MCC: variants seen among roughly 807,000 people sequenced by gnomAD.
MCC encodes MCC regulator of Wnt signaling pathway.
In MCC, 90 loss-of-function variants were observed where a neutral mutation model predicts 116.2. That is an observed-to-expected ratio of 0.77 (90% CI 0.65 to 0.92). The LOEUF is 0.92. Ranked by LOEUF, MCC falls within the 40% of genes least tolerant of loss-of-function variation. MCC has a pLI of 0.00. For synonymous variants in MCC, 578 were observed against 510.5 expected, an observed-to-expected ratio of 1.13 and a Z score of -1.78; for missense variants, 1,516 against 1,312.2, an observed-to-expected ratio of 1.16 and a Z score of -2.40.
intron 17 of MCC, among the ~76,000 whole-genome samples, chr5:113,037,310 T>G (rs776449381): frequency 1.3e-5 from 2 of 152,206 alleles, no homozygotes; most frequent in Non-Finnish European, 2.9e-5. Flanking sequence ...GTGTATGAAC[T>G]TGGACATGGA....
rs765710097 is a variant in MCC at position 113,143,382 on chromosome 5, A to T, written c.742-22T>A. On this transcript the variant is annotated intron_variant, in intron 4 of 18. Transcript: ENST00000408903. ...CGCACTGGGAATAAGGGAAAAGGAC[A>T]GAAGTGCTGATGAATTCATGCACCT... 4.3e-6 allele frequency: 7 copies of T among 1,613,042 alleles called. No individual in the cohort carries two copies. In the East Asian group the frequency reaches 1.6e-4, roughly 36 times the overall value.
rs557670293 is a variant in MCC at position 113,383,669 on chromosome 5, A to G, written c.415+1299T>C. 4.6e-5 allele frequency among the ~76,000 whole-genome samples: 7 copies of G among 152,142 alleles called. No homozygotes were observed. The South Asian group carries it at 1.2e-3, about 27-fold the overall frequency. On this transcript the variant is annotated intron_variant, in intron 2 of 18. Coordinates refer to ENST00000408903, the MANE Select transcript of MCC (RefSeq NM_001085377.2). The stretch of plus-strand genomic sequence containing the variant: ...TTCCCCGTGTTTTTTTATAATGAAC[A>G]TATATTACTTGAATACTCAGAAAGT...
chr5:113,137,711 CA>C (rs1397422195), intron 5 of MCC, among the ~76,000 whole-genome samples: 1 of 152,098 alleles, frequency 6.6e-6, no homozygotes, highest in Non-Finnish European at 1.5e-5. Flanking sequence ...GTAACAGAAG[CA>C]ACAACTTTTT....
intron 3 of MCC, among the ~76,000 whole-genome samples, chr5:113,177,482 A>G (rs1424796135): frequency 6.6e-6 from 1 of 152,234 alleles, no homozygotes; most frequent in Non-Finnish European, 1.5e-5. Context: ...CAGGTACATA[A>G]CCATGGAAAA....
chr5:113,241,982 C>A (rs1213775421), intron 3 of MCC, among the ~76,000 whole-genome samples: 1 of 152,160 alleles, frequency 6.6e-6, no homozygotes, highest in African/African-American at 2.4e-5. Context: ...AGGAACTAAT[C>A]CAGCAGAATA....
intron 3 of MCC, among the ~76,000 whole-genome samples, chr5:113,271,436 C>A (rs1418498402): frequency 6.6e-6 from 1 of 152,128 alleles, no homozygotes; most frequent in Admixed American, 6.5e-5. Context: ...GAAGAAGGTT[C>A]CTTATGATCA....
intron 1 of MCC, among the ~76,000 whole-genome samples, chr5:113,411,134 G>A (rs1004920669): frequency 2.0e-5 from 3 of 152,130 alleles, no homozygotes; most frequent in African/African-American, 7.2e-5. Context: ...TAATGGGATT[G>A]CTGGGTCAAA....
At chr5:113,123,376 C>T (rs188281181) in intron 5 of MCC, among the ~76,000 whole-genome samples, 180 of 152,230 alleles carry the variant, frequency 1.2e-3, no homozygotes, top group African/African-American at 4.1e-3. Context: ...AAAGACTAGG[C>T]TAACTTCCCA....
At position 113,034,063 on chromosome 5, in the gene MCC, C is replaced by CTTT. The variant is rs35834150; in HGVS notation, c.2757-5010_2757-5008dup. Among the ~76,000 whole-genome samples the CTTT allele has an allele frequency of 4.2e-3, 567 of 136,306 alleles. 11 individuals carry two copies. The highest frequency in any genetic ancestry group is 8.2e-3 in the East Asian group (38 of 4,646). The allele number at this position is 136,306 out of a possible 152,430, so 89.4% of individuals were successfully genotyped here. ...CACCATGCTGGGCTAATTTTTAAAACTTTTTTTTTTTTTTTTGTAGAGATA... is the reference window on the plus strand; with the variant it reads ...CACCATGCTGGGCTAATTTTTAAAACTTTTTTTTTTTTTTTTTTTGTAGAGATA... On this transcript the variant is annotated intron_variant, in intron 17 of 18. Transcript: ENST00000408903.
At chr5:113,228,378 T>A (rs545034584) in intron 3 of MCC, among the ~76,000 whole-genome samples, 2 of 151,966 alleles carry the variant, frequency 1.3e-5, no homozygotes, top group African/African-American at 4.8e-5. Context: ...ATTCAGGCAG[T>A]GGAGGGAGTG....
intron 1 of MCC, among the ~76,000 whole-genome samples, chr5:113,474,241 C>G (rs1338837647): frequency 6.6e-6 from 1 of 152,132 alleles, no homozygotes; most frequent in Non-Finnish European, 1.5e-5. Flanking sequence ...GAAATGAAAA[C>G]TATGAGAATA....
chr5:113,343,556 T>C (rs550805707), intron 2 of MCC, among the ~76,000 whole-genome samples: 3 of 152,338 alleles, frequency 2.0e-5, no homozygotes, highest in South Asian at 2.1e-4. Context: ...AGTCCCCACA[T>C]TGGACTGAGT....
rs1358408772 is a variant in MCC, at chr5:113,025,262, A to G, written c.*2040T>C. Reference sequence around the variant, plus strand: ...AAACTGATTTTTTTTTTTTTGGGGCATATGTTTTTCAGCCAAAACATTTTC... The same window carrying G: ...AAACTGATTTTTTTTTTTTTGGGGCGTATGTTTTTCAGCCAAAACATTTTC... On this transcript the variant is annotated 3_prime_UTR_variant, in exon 19 of 19. Transcript: ENST00000408903. The G allele has an allele frequency of 4.0e-5, 6 of 150,202 alleles. No individual in the cohort carries two copies. The highest frequency in any genetic ancestry group is 1.2e-4 in the African/African-American group (5 of 40,940). 9.3% of individuals were successfully genotyped at this position (150,202 alleles called of 1,614,324 possible). A position where few individuals can be genotyped will look rare whatever the true frequency, so the allele number is the denominator to read the frequency against.
chr5:113,395,931 A>C (rs2150396972), intron 1 of MCC, among the ~76,000 whole-genome samples: 1 of 152,328 alleles, frequency 6.6e-6, no homozygotes, highest in South Asian at 2.1e-4. Context: ...AGGCAGCATC[A>C]GTATTTGTTA....
intron 5 of MCC, among the ~76,000 whole-genome samples, chr5:113,134,350 T>C (rs909609457): frequency 5.3e-5 from 8 of 152,180 alleles, no homozygotes; most frequent in African/African-American, 1.9e-4. Flanking sequence ...TGTATGTTCT[T>C]GGTACCTCTG....
At chr5:113,274,639 G>A (rs1265606250) in intron 3 of MCC, among the ~76,000 whole-genome samples, 2 of 152,174 alleles carry the variant, frequency 1.3e-5, no homozygotes, top group East Asian at 3.9e-4. Flanking sequence ...AGGATTACAG[G>A]TGTGAGCCAC....
intron 3 of MCC, among the ~76,000 whole-genome samples, chr5:113,305,892 A>T (rs1766973671): frequency 6.6e-6 from 1 of 152,162 alleles, no homozygotes; most frequent in African/African-American, 2.4e-5. Flanking sequence ...AACGAAATTC[A>T]TACTCATTAG....
chr5:113,335,717 C>T (rs891203549), intron 3 of MCC, among the ~76,000 whole-genome samples: 2 of 151,602 alleles, frequency 1.3e-5, no homozygotes, highest in Non-Finnish European at 2.9e-5. Flanking sequence ...GCTTAGATTA[C>T]ACTGAGTTTT....
At chr5:113,402,346 A>T (rs575363506) in intron 1 of MCC, among the ~76,000 whole-genome samples, 112 of 150,094 alleles carry the variant, frequency 7.5e-4, no homozygotes, top group African/African-American at 2.7e-3. Flanking sequence ...CTGTGTAAAG[A>T]TGGGGTCTTG....
Sources: allele counts gnomAD v4.1 joint callset (sites outside exome capture counted in the v4.1 genomes callset), GRCh38; gene constraint gnomAD v4.1.1; transcripts MANE v1.5; gene names NCBI Gene and HGNC (gene_info 2026-07-23, HGNC 2026-07-21).